Variants in C1orf94 observed in about 807,000 individuals in gnomAD.
C1orf94 encodes uncharacterized protein C1orf94.
In C1orf94, 45 loss-of-function variants were observed where a neutral mutation model predicts 53.6. The observed-to-expected ratio is 0.84, with a 90% CI of 0.66 to 1.08. C1orf94 has a LOEUF of 1.08. C1orf94 is among the 50% of genes least tolerant of loss of function. C1orf94 has a pLI of 0.00. For synonymous variants in C1orf94, 304 were observed against 296.1 expected (o/e 1.03, Z -0.27); for missense variants, 762 against 738.9 (o/e 1.03, Z -0.36).
intron 5 of C1orf94, 106 bp from the exon 6 acceptor site, chr1:34,212,104 C>A: frequency 1.0e-6 from 1 of 996,348 alleles, no homozygotes; most frequent in East Asian, 2.7e-5. Flanking sequence ...TCTGTGTACC[C>A]AGCAGTGACT....
intron 4 of C1orf94, among the ~76,000 whole-genome samples, chr1:34,205,718 G>A (rs187893570): frequency 2.0e-5 from 3 of 152,118 alleles, no homozygotes; most frequent in African/African-American, 7.2e-5. Flanking sequence ...AGGAGAAATG[G>A]GGAACAGTCT....
At chr1:34,206,207 G>A (rs1642789168) in intron 4 of C1orf94, among the ~76,000 whole-genome samples, 1 of 152,158 alleles carries the variant, frequency 6.6e-6, no homozygotes. Flanking sequence ...GGTGCTCCCA[G>A]GAGGACCAGG....
intron 4 of C1orf94, among the ~76,000 whole-genome samples, chr1:34,207,269 GT>G (rs2148621268): frequency 1.6e-5 from 1 of 63,474 alleles, no homozygotes; most frequent in Non-Finnish European, 3.1e-5. Flanking sequence ...CGGGGTGTGT[GT>G]GTGTGTGTGT....
chr1:34,199,420 T>G (rs780891553), intron 2 of C1orf94, among the ~76,000 whole-genome samples: 1 of 152,230 alleles, frequency 6.6e-6, no homozygotes, highest in Non-Finnish European at 1.5e-5. Flanking sequence ...GCTAAAAATG[T>G]TGTTTCCTTC....
intron 5 of C1orf94, among the ~76,000 whole-genome samples, chr1:34,209,101 G>GGA (rs1642848867): frequency 6.6e-6 from 1 of 152,148 alleles, no homozygotes; most frequent in South Asian, 2.1e-4. Context: ...TGGGTGTCCT[G>GGA]TATTTTTATT....
chr1:34,187,598 A>AC (rs1462484115), intron 1 of C1orf94, among the ~76,000 whole-genome samples: 4 of 152,138 alleles, frequency 2.6e-5, no homozygotes, highest in African/African-American at 9.6e-5. Context: ...AAAAAAAAAA[A>AC]ACACCTCTTC....
In C1orf94 at chr1:34,212,422, C is replaced by T. The variant is rs182400683; in HGVS notation, c.1721+16C>T. On this transcript the variant is annotated intron_variant, in intron 6 of 6. Coordinates refer to ENST00000488417, the MANE Select transcript of C1orf94 (RefSeq NM_001134734.2). Reference sequence around the variant, plus strand: ...AAGGATATGGGTGAGTCAGCCCACACTGGGAGCCTAAGGGTATCCAGAAAG... The same window carrying T: ...AAGGATATGGGTGAGTCAGCCCACATTGGGAGCCTAAGGGTATCCAGAAAG... The T allele has an allele frequency of 2.5e-6, 4 of 1,603,096 alleles. No homozygotes were observed. In the African/African-American group the frequency reaches 4.0e-5, roughly 16 times the overall value.
chr1:34,212,110 T>G, intron 5 of C1orf94, 100 bp from the exon 6 acceptor site: 1 of 1,068,170 alleles, frequency 9.4e-7, no homozygotes, highest in Non-Finnish European at 1.3e-6. Context: ...TACCCAGCAG[T>G]GACTGAGGAG....
intron 2 of C1orf94, among the ~76,000 whole-genome samples, 187 bp downstream of exon 2, chr1:34,198,100 C>T (rs549619928): frequency 2.0e-5 from 3 of 152,242 alleles, no homozygotes; most frequent in Non-Finnish European, 4.4e-5. Context: ...TGCTGGGTTC[C>T]CCTGTGCAGG....
At chr1:34,178,578 G>A (rs1362901551) in intron 1 of C1orf94, among the ~76,000 whole-genome samples, 4 of 152,218 alleles carry the variant, frequency 2.6e-5, no homozygotes, top group African/African-American at 9.6e-5. Context: ...AGAAGCTGCT[G>A]CAAGAGCACA....
chr1:34,202,149 C>T lies in C1orf94; in HGVS notation c.1336C>T (p.His446Tyr). 6 of 1,614,246 alleles carry T rather than the reference C, an allele frequency of 3.7e-6. No individual in the cohort carries two copies. Among genetic ancestry groups the T allele is most frequent in the Non-Finnish European group, 5.1e-6 (6 of 1,180,040 alleles). The change falls in exon 4 of 7, where the codon CAC becomes TAC. Residue 446 changes from histidine (H) to tyrosine (Y), a missense_variant. By Grantham distance (83) the His-to-Tyr change is moderately conservative. Coordinates refer to ENST00000488417, the MANE Select transcript of C1orf94 (RefSeq NM_001134734.2). ...GTACACAGGGAATGTTTTCACTCCA[C>T]ACTTTCCTACAGCCATGACCTCAGC... ...PKYTGNVFTP[H>Y]FPTAMTSATL...
intron 1 of C1orf94, among the ~76,000 whole-genome samples, chr1:34,185,146 G>A (rs1397106698): frequency 1.3e-5 from 2 of 151,974 alleles, no homozygotes; most frequent in East Asian, 1.9e-4. Flanking sequence ...CCTTAAGCAA[G>A]TGTCTCCCTC....
intron 1 of C1orf94, among the ~76,000 whole-genome samples, chr1:34,170,595 G>C (rs61769840): frequency 1.3e-5 from 2 of 151,990 alleles, no homozygotes; most frequent in Non-Finnish European, 2.9e-5. Flanking sequence ...TGTCCCTGCT[G>C]GTGGATGGGC....
At chr1:34,205,259 G>T (rs1557487647) in intron 4 of C1orf94, among the ~76,000 whole-genome samples, 1 of 152,170 alleles carries the variant, frequency 6.6e-6, no homozygotes, top group Non-Finnish European at 1.5e-5. Flanking sequence ...GACAGTTTAA[G>T]CACTGAATGG....
chr1:34,212,362 A>G lies in C1orf94; in HGVS notation c.1677A>G (p.Leu559=). The change falls in exon 6 of 7, where the codon CTA becomes CTG. Residue 559 remains leucine (L), a synonymous_variant. Coordinates refer to ENST00000488417, the MANE Select transcript of C1orf94 (RefSeq NM_001134734.2). ...KMSANPRDPP[L]MAGDGPQYLF... ...CTGCCAACCCCCGAGACCCTCCCCT[A>G]ATGGCAGGAGATGGACCGCAGTACC... is the stretch of plus-strand genomic sequence containing the variant. 2 of 1,612,902 alleles carry G rather than the reference A, an allele frequency of 1.2e-6. No individual in the cohort carries two copies. The highest frequency in any genetic ancestry group is 1.7e-6 in the Non-Finnish European group (2 of 1,179,616).
rs1642600886 is a variant in C1orf94, at chr1:34,197,223, AGAGCT to A, written c.321-1_324del. ...CCGTCTGTCTCTCTGACCCATTTCC[AGAGCT>A]CTGGAGCTCAGCAGTGGCAAAGATG... On this transcript the variant is annotated splice_acceptor_variant and coding_sequence_variant, in exon 2 of 7. Transcript: ENST00000488417. LOFTEE classifies it high-confidence loss of function. The surrounding 1 kb of genome is among the most constrained non-coding windows in gnomAD (Gnocchi z 4.1). 6.6e-7 allele frequency: 1 copy of A among 1,515,932 alleles called. No individual in the cohort carries two copies. The highest frequency in any genetic ancestry group is 8.9e-7 in the Non-Finnish European group (1 of 1,127,360). The allele number at this position is 1,515,932 out of a possible 1,614,324, so 93.9% of individuals were successfully genotyped here.
intron 1 of C1orf94, among the ~76,000 whole-genome samples, chr1:34,183,941 C>T (rs1184240061): frequency 6.6e-6 from 1 of 152,066 alleles, no homozygotes. Flanking sequence ...CAGTCTCTGA[C>T]CTCCTTTATG....
intron 1 of C1orf94, among the ~76,000 whole-genome samples, chr1:34,167,694 G>A (rs1204229332): frequency 1.3e-5 from 2 of 151,996 alleles, no homozygotes; most frequent in Admixed American, 1.3e-4. Context: ...TTGGGAGGAT[G>A]CAGGCCAGAG....
At chr1:34,212,142 T>G in intron 5 of C1orf94, 68 bp from the exon 6 acceptor site, 1 of 1,401,814 alleles carries the variant, frequency 7.1e-7, no homozygotes. Context: ...AGACTGGGGG[T>G]GGGTGGCTGG....
Sources: gnomAD v4.1 joint callset for allele counts (sites outside exome capture counted in the v4.1 genomes callset) on GRCh38, gnomAD v4.1.1 for gene constraint, Gnocchi (gnomAD v3.1) non-coding constraint, MANE v1.5 for transcripts, NCBI Gene and HGNC (gene_info 2026-07-23, HGNC 2026-07-21) for gene names.